The following PSTK variants were observed in gnomAD, a reference collection of about 807,000 sequenced individuals.
PSTK encodes phosphoseryl-tRNA kinase, also known as L-seryl-tRNA(Sec) kinase.
Under a neutral mutation model 38.6 loss-of-function variants are expected in PSTK, and 26 were observed. That is an observed-to-expected ratio of 0.67 (90% CI 0.49 to 0.94). The LOEUF (loss-of-function observed/expected upper bound fraction) is 0.94, where lower values mean the gene tolerates loss of function less well. Ranked by LOEUF, PSTK falls within the 40% of genes least tolerant of loss-of-function variation. The pLI, the probability that PSTK is intolerant of heterozygous loss-of-function variation, is 0.00. For synonymous variants in PSTK, 181 were observed against 161.7 expected (o/e 1.12, Z -0.91); for missense variants, 445 against 436.3 (o/e 1.02, Z -0.18).
In PSTK at chr10:122,980,691, C is replaced by T. The variant is rs1390434819; in HGVS notation, c.212C>T (p.Pro71Leu). ...DAFLAGARARPAPSQWKLLRQ... is the reference protein window; with the variant it reads ...DAFLAGARARLAPSQWKLLRQ... ...TTTCTCGCCGGGGCAAGAGCGCGAC[C>T]GGCGGTCAGCACGGAGGGGCGGGGC... Residue 71 changes from proline to leucine, a missense_variant, in exon 1 of 6, where the codon CCG (proline) becomes CTG (leucine). Pro to Leu is a moderately conservative substitution (Grantham distance 98). Coordinates refer to ENST00000406217, the MANE Select transcript of PSTK (RefSeq NM_001363531.2). This position sits in a 1 kb window ranked among gnomAD's most constrained non-coding sequence, Gnocchi z 4.3. 2 of 1,339,416 alleles carry T rather than the reference C, an allele frequency of 1.5e-6. No homozygotes were observed. Among genetic ancestry groups the T allele is most frequent in the African/African-American group, 3.4e-5 (2 of 58,280 alleles). The allele number at this position is 1,339,416 out of a possible 1,614,324, so 83.0% of individuals were successfully genotyped here. A position where few individuals can be genotyped will look rare whatever the true frequency, so the allele number is the denominator to read the frequency against.
chr10:122,987,449 G>A (rs565014632), intron 5 of PSTK: 1 of 1,614,198 alleles, frequency 6.2e-7, no homozygotes, highest in South Asian at 1.1e-5. Context: ...GAAGCGCAAA[G>A]GTTGGCTGGT....
At chr10:122,987,437 C>T (rs753597968) in intron 5 of PSTK, 1 of 1,614,028 alleles carries the variant, frequency 6.2e-7, no homozygotes, top group East Asian at 2.2e-5. Flanking sequence ...ACATCAAGTG[C>T]AGAAGCGCAA....
intron 2 of PSTK, 95 bp from the exon 3 acceptor site, chr10:122,983,177 C>G: frequency 1.6e-6 from 2 of 1,258,494 alleles, no homozygotes; most frequent in South Asian, 3.0e-5. Flanking sequence ...CGGAGTTTTT[C>G]CTACTATAAT....
intron 5 of PSTK, among the ~76,000 whole-genome samples, 184 bp downstream of exon 5, chr10:122,987,146 C>T (rs1344502417): frequency 6.6e-6 from 1 of 152,190 alleles, no homozygotes; most frequent in East Asian, 1.9e-4. Flanking sequence ...GTTCATCCAT[C>T]CAACAAATTT....
In PSTK at chr10:122,980,663, G is replaced by C. The variant is rs1418188675; in HGVS notation, c.184G>C (p.Ala62Pro). ...VVAYDDVMPD[A>P]FLAGARARPA... ...CGCGTATGATGACGTCATGCCCGAC[G>C]CGTTTCTCGCCGGGGCAAGAGCGCG... Residue 62 changes from alanine to proline, a missense_variant, in exon 1 of 6, where the codon GCG becomes CCG. Ala to Pro is a conservative substitution (Grantham distance 27, BLOSUM62 -1). Transcript: ENST00000406217. This position sits in a 1 kb window ranked among gnomAD's most constrained non-coding sequence, Gnocchi z 4.3. 4.4e-6 allele frequency: 7 copies of C among 1,590,238 alleles called. No individual in the cohort carries two copies. The highest frequency in any genetic ancestry group is 6.0e-6 in the Non-Finnish European group (7 of 1,168,232).
intron 3 of PSTK, chr10:122,986,035 AC>A (rs1849026763): frequency 1.0e-5 from 2 of 200,792 alleles, no homozygotes; most frequent in Non-Finnish European, 2.0e-5. Flanking sequence ...CCTGGCTAAC[AC>A]GGTGAAACCC....
At chr10:122,988,887 T>C (rs1212835929) in intron 5 of PSTK, among the ~76,000 whole-genome samples, 1 of 152,168 alleles carries the variant, frequency 6.6e-6, no homozygotes, top group African/African-American at 2.4e-5. Context: ...TAAAAACTTG[T>C]ACATGTATGT....
In PSTK at chr10:122,980,414, G is replaced by C; in HGVS notation, c.-66G>C. 7.0e-7 allele frequency: 1 copy of C among 1,434,422 alleles called. No individual in the cohort carries two copies. Among genetic ancestry groups the C allele is most frequent in the Non-Finnish European group, 9.2e-7 (1 of 1,090,430 alleles). The allele number at this position is 1,434,422 out of a possible 1,614,324, so 88.9% of individuals were successfully genotyped here. A position where few individuals can be genotyped will look rare whatever the true frequency, so the allele number is the denominator to read the frequency against. On this transcript the variant is annotated 5_prime_UTR_variant, in exon 1 of 6. Transcript: ENST00000406217. This position sits in a 1 kb window ranked among gnomAD's most constrained non-coding sequence, Gnocchi z 4.3. ...CCGGTAGGCGGCGGAGACGCTGCGC[G>C]TGCGCGCAGGGCAGACGGTAGAGCG...
At chr10:122,989,487 G>A (rs1473741126) in intron 5 of PSTK, among the ~76,000 whole-genome samples, 1 of 152,116 alleles carries the variant, frequency 6.6e-6, no homozygotes, top group Non-Finnish European at 1.5e-5. Context: ...CCCGACCTCA[G>A]GTGATCCGCC....
In PSTK at chr10:122,983,417, T is replaced by C; in HGVS notation, c.654T>C (p.Ala218=). 6.2e-7 allele frequency: 1 copy of C among 1,614,104 alleles called. No individual in the cohort carries two copies. The highest frequency in any genetic ancestry group is 8.5e-7 in the Non-Finnish European group (1 of 1,180,032). ...AAAAGCCCAACCCTGAGAAAAATGC[T>C]TGGGAACACAACAGCCTCACAATTC... ...KLEKPNPEKN[A]WEHNSLTIPS... is the part of the protein sequence containing the mutation. The change falls in exon 3 of 6, where the codon GCT becomes GCC. Residue 218 remains alanine (A), a synonymous_variant. Coordinates refer to ENST00000406217, the MANE Select transcript of PSTK (RefSeq NM_001363531.2).
chr10:122,981,448 CTG>C (rs1416599594), intron 1 of PSTK, among the ~76,000 whole-genome samples: 4 of 152,338 alleles, frequency 2.6e-5, no homozygotes, highest in Non-Finnish European at 4.4e-5. Flanking sequence ...CATGTGGAAA[CTG>C]AGACCACTGG....
In PSTK at chr10:122,983,010, A is replaced by G. The variant is rs1399053891; in HGVS notation, c.494A>G (p.Gln165Arg). 6.2e-7 allele frequency: 1 copy of G among 1,607,750 alleles called. No individual in the cohort carries two copies. The highest frequency in any genetic ancestry group is 8.5e-7 in the Non-Finnish European group (1 of 1,176,986). ...CAGAGTATGAGATATGAAGTCTACCAGCTGGCTCGGAAATGTAATTAAAAC... is the reference window on the plus strand; with the variant it reads ...CAGAGTATGAGATATGAAGTCTACCGGCTGGCTCGGAAATGTAATTAAAAC... ...YYQSMRYEVYQLARKYSLGFC... is the reference protein window; with the variant it reads ...YYQSMRYEVYRLARKYSLGFC... Residue 165 changes from glutamine (Q) to arginine (R), a missense_variant, in exon 2 of 6, where the codon CAG becomes CGG. Physicochemically the swap from Gln to Arg is conservative, Grantham distance 43. Transcript: ENST00000406217.
At chr10:122,984,547 T>G (rs1849009732) in intron 3 of PSTK, 1 of 152,352 alleles carries the variant, frequency 6.6e-6, no homozygotes, top group African/African-American at 2.4e-5. Context: ...TTGCTATGCT[T>G]TACCTCTTTT....
At chr10:122,987,525 G>T (rs765184375) in intron 5 of PSTK, 1 of 1,610,952 alleles carries the variant, frequency 6.2e-7, no homozygotes, top group Non-Finnish European at 8.5e-7. Context: ...GGGAAAGGTA[G>T]TCAGGGGCCA....
chr10:122,988,309 G>A (rs916090588), intron 5 of PSTK, among the ~76,000 whole-genome samples: 2 of 151,956 alleles, frequency 1.3e-5, no homozygotes, highest in African/African-American at 4.8e-5. Flanking sequence ...CAAGGTCCTG[G>A]GGGATTGTGG....
chr10:122,989,320 T>G (rs1044261977), intron 5 of PSTK, among the ~76,000 whole-genome samples: 1 of 152,050 alleles, frequency 6.6e-6, no homozygotes, highest in Non-Finnish European at 1.5e-5. Flanking sequence ...GGCACGATCT[T>G]GGCTCACTGC....
chr10:122,990,262 A>T lies in PSTK; in HGVS notation c.966A>T (p.Gly322=), dbSNP rs761913754. The change falls in exon 6 of 6, where the codon GGA becomes GGT. Residue 322 remains glycine, a synonymous_variant. Coordinates refer to ENST00000406217, the MANE Select transcript of PSTK (RefSeq NM_001363531.2). ...KAEFLEDLKQ[G]NKKYLCFQQT... is the part of the protein sequence containing the mutation. Reference sequence around the variant, plus strand: ...AGTTTTTGGAAGACCTAAAACAAGGAAACAAAAAATATCTGTGCTTTCAGC... The same window carrying T: ...AGTTTTTGGAAGACCTAAAACAAGGTAACAAAAAATATCTGTGCTTTCAGC... 2 of 1,541,722 alleles carry T rather than the reference A, an allele frequency of 1.3e-6. No individual in the cohort carries two copies. Among genetic ancestry groups the T allele is most frequent in the African/African-American group, 2.8e-5 (2 of 72,526 alleles).
chr10:122,980,562 C>T lies in PSTK; in HGVS notation c.83C>T (p.Ala28Val), dbSNP rs780454977. 1 of 1,612,004 alleles carries T rather than the reference C, an allele frequency of 6.2e-7. No individual in the cohort carries two copies. Among genetic ancestry groups the T allele is most frequent in the Non-Finnish European group, 8.5e-7 (1 of 1,179,618 alleles). ...RGLCVLCGLPAAGKSTFARAL... is the reference protein window; with the variant it reads ...RGLCVLCGLPVAGKSTFARAL... ...CTCTGCGTCCTCTGTGGCCTCCCCG[C>T]GGCAGGAAAATCGACTTTCGCGCGC... Residue 28 changes from alanine (A) to valine (V), a missense_variant, in exon 1 of 6, where the codon GCG (alanine) becomes GTG (valine). Physicochemically the swap from Ala to Val is moderately conservative, Grantham distance 64. Coordinates refer to ENST00000406217, the MANE Select transcript of PSTK (RefSeq NM_001363531.2). This position sits in a 1 kb window ranked among gnomAD's most constrained non-coding sequence, Gnocchi z 4.3.
chr10:122,986,786 T>G (rs1849039907), intron 4 of PSTK, 83 bp from the exon 5 acceptor site: 12 of 888,094 alleles, frequency 1.4e-5, no homozygotes, highest in East Asian at 2.6e-5. Context: ...CTTTTAGTCC[T>G]TTCAAATACA....
Sources: allele counts gnomAD v4.1 joint callset (sites outside exome capture counted in the v4.1 genomes callset), GRCh38; gene constraint gnomAD v4.1.1; non-coding constraint Gnocchi (gnomAD v3.1); transcripts MANE v1.5; gene names NCBI Gene and HGNC (gene_info 2026-07-23, HGNC 2026-07-21).